Variants in CREB5 observed in about 807,000 individuals in gnomAD.
The protein encoded by CREB5 is cyclic AMP-responsive element-binding protein 5.
In CREB5, 19 loss-of-function variants were observed where a neutral mutation model predicts 57.1. The ratio of observed to expected loss-of-function variants is 0.33; its 90% CI spans 0.23 to 0.49. The LOEUF is 0.49. Among genes scored for constraint, CREB5 ranks in the 20% least tolerant of loss-of-function variants. The pLI is 0.99. For synonymous variants in CREB5, 238 were observed against 238.3 expected, an observed-to-expected ratio of 1.00 and a Z score of 0.01; for missense variants, 579 against 671.6, an observed-to-expected ratio of 0.86 and a Z score of 1.52.
intron 1 of CREB5, among the ~76,000 whole-genome samples, chr7:28,331,601 G>T (rs1179670431): frequency 6.6e-6 from 1 of 152,080 alleles, no homozygotes; most frequent in African/African-American, 2.4e-5. Context: ...CTTTTAGAAA[G>T]AATTTTGGGA....
At chr7:28,399,822 A>G (rs1292216174) in intron 1 of CREB5, among the ~76,000 whole-genome samples, 5 of 151,554 alleles carry the variant, frequency 3.3e-5, no homozygotes, top group Non-Finnish European at 1.5e-5. Flanking sequence ...TTGGGAGGCG[A>G]GGTGGGTTGA....
At chr7:28,340,486 C>T (rs768269137) in intron 1 of CREB5, among the ~76,000 whole-genome samples, 73 of 151,044 alleles carry the variant, frequency 4.8e-4, no homozygotes, top group South Asian at 1.1e-3. Context: ...CTGTATCCTA[C>T]CATGGTTAGG....
intron 7 of CREB5, among the ~76,000 whole-genome samples, chr7:28,753,154 T>G (rs1403342883): frequency 6.6e-6 from 1 of 152,058 alleles, no homozygotes; most frequent in Non-Finnish European, 1.5e-5. Context: ...TTCAAAGATA[T>G]TTACTGCAGT....
intron 4 of CREB5, among the ~76,000 whole-genome samples, chr7:28,521,099 C>G (rs1425921242): frequency 1.3e-5 from 2 of 152,098 alleles, no homozygotes; most frequent in East Asian, 3.9e-4. Context: ...AAGGGGGAGG[C>G]AAAAATGAGC....
At chr7:28,390,332 A>G (rs1787191635) in intron 1 of CREB5, among the ~76,000 whole-genome samples, 1 of 152,168 alleles carries the variant, frequency 6.6e-6, no homozygotes, top group Admixed American at 6.5e-5. Context: ...AAGGCACACA[A>G]TTCTTTACTG....
intron 5 of CREB5, among the ~76,000 whole-genome samples, chr7:28,596,237 A>G (rs1796688396): frequency 6.6e-6 from 1 of 152,188 alleles, no homozygotes; most frequent in Non-Finnish European, 1.5e-5. Context: ...CACTTTTACT[A>G]AATATTTGAG....
chr7:28,686,426 G>A (rs1413068538), intron 5 of CREB5, among the ~76,000 whole-genome samples: 6 of 148,690 alleles, frequency 4.0e-5, no homozygotes, highest in Non-Finnish European at 4.4e-5. Flanking sequence ...CAGAGTTTTT[G>A]TTCTAGCACA....
rs147452079 is a variant in CREB5, at chr7:28,383,116, T to C, written c.-25+83675T>C. ...ATAGATTCTACAGAATGAAGCCAAG[T>C]GGGAGGGTCTGGAGGCAGAGACCAA... On this transcript the variant is annotated intron_variant, in intron 1 of 9. Coordinates refer to the CREB5 transcript ENST00000396299. Among the ~76,000 whole-genome samples, 6 of 152,112 alleles carry C rather than the reference T, an allele frequency of 3.9e-5. No individual in the cohort carries two copies. The East Asian group carries it at 1.2e-3, about 29-fold the overall frequency.
intron 5 of CREB5, among the ~76,000 whole-genome samples, chr7:28,671,884 A>C (rs997765670): frequency 6.6e-6 from 1 of 152,156 alleles, no homozygotes; most frequent in East Asian, 1.9e-4. Context: ...CTCTTAGTAC[A>C]TTGCTTGGCA....
At chr7:28,504,297 T>C (rs1792387684) in intron 3 of CREB5, among the ~76,000 whole-genome samples, 1 of 152,210 alleles carries the variant, frequency 6.6e-6, no homozygotes, top group Non-Finnish European at 1.5e-5. Flanking sequence ...TGGCCATAAA[T>C]TAAAATTCTT....
chr7:28,504,052 A>G (rs1272956562), intron 3 of CREB5, among the ~76,000 whole-genome samples: 2 of 152,214 alleles, frequency 1.3e-5, no homozygotes, highest in Non-Finnish European at 2.9e-5. Flanking sequence ...TGAGTGAGCT[A>G]TTCTTTCCAG....
chr7:28,713,877 T>C (rs997093118), intron 5 of CREB5, among the ~76,000 whole-genome samples: 1 of 152,222 alleles, frequency 6.6e-6, no homozygotes, highest in Admixed American at 6.5e-5. Context: ...GTTTTTTAAT[T>C]CTGTTCTCCA....
chr7:28,379,572 A>T (rs997253837), intron 1 of CREB5, among the ~76,000 whole-genome samples: 1 of 152,230 alleles, frequency 6.6e-6, no homozygotes, highest in East Asian at 1.9e-4. Flanking sequence ...TCACAGATCC[A>T]GGGCCAGTGG....
chr7:28,301,357 G>A (rs1262356127), intron 1 of CREB5, among the ~76,000 whole-genome samples: 2 of 152,210 alleles, frequency 1.3e-5, no homozygotes, highest in African/African-American at 4.8e-5. Context: ...TTCCTAAACT[G>A]AGGTAGACGA....
At chr7:28,693,556 A>C (rs1801384730) in intron 5 of CREB5, among the ~76,000 whole-genome samples, 2 of 152,176 alleles carry the variant, frequency 1.3e-5, no homozygotes, top group Admixed American at 1.3e-4. Flanking sequence ...TCTGCAAAAC[A>C]AGCTTTTGTG....
intron 3 of CREB5, among the ~76,000 whole-genome samples, chr7:28,505,098 A>G (rs1024953947): frequency 2.0e-5 from 3 of 152,188 alleles, no homozygotes; most frequent in African/African-American, 7.2e-5. Context: ...CTTCATATGT[A>G]AACCAGGAAA....
chr7:28,526,171 G>A (rs189235364), intron 4 of CREB5, among the ~76,000 whole-genome samples: 1 of 152,298 alleles, frequency 6.6e-6, no homozygotes, highest in East Asian at 1.9e-4. Flanking sequence ...CTCAGAGGTG[G>A]GTTAGTGTCT....
chr7:28,594,456 A>C (rs1284136937), intron 5 of CREB5, among the ~76,000 whole-genome samples: 3 of 150,476 alleles, frequency 2.0e-5, no homozygotes, highest in Non-Finnish European at 4.4e-5. Context: ...TAGGCTGCCT[A>C]GTCTTTCAAA....
At chr7:28,389,043 TTTGTA>T (rs1438047115) in intron 1 of CREB5, among the ~76,000 whole-genome samples, 1 of 152,180 alleles carries the variant, frequency 6.6e-6, no homozygotes, top group Non-Finnish European at 1.5e-5. Flanking sequence ...AGAGGAACTA[TTTGTA>T]GTAATTAAAC....
Sources: allele counts gnomAD v4.1 joint callset (sites outside exome capture counted in the v4.1 genomes callset), GRCh38; gene constraint gnomAD v4.1.1; transcripts MANE v1.5; gene names NCBI Gene and HGNC (gene_info 2026-07-23, HGNC 2026-07-21).